FAM168B: variants seen among roughly 807,000 people sequenced by gnomAD.
FAM168B encodes the protein family with sequence similarity 168 member B.
FAM168B carries 19 observed loss-of-function variants against 21.8 expected under a neutral mutation model. The observed-to-expected ratio is 0.87, with a 90% CI of 0.61 to 1.28. The LOEUF is 1.28. Ranked by LOEUF, FAM168B falls within the 50% of genes most tolerant of loss-of-function variation. The pLI, the probability that FAM168B is intolerant of heterozygous loss-of-function variation, is 0.00. For missense variants in FAM168B, 233 were observed against 263.1 expected (o/e 0.89, Z 0.79); for synonymous variants, 126 against 104.8 (o/e 1.20, Z -1.24).
chr2:131,088,461 A>G (rs1693833235), intron 1 of FAM168B, among the ~76,000 whole-genome samples: 1 of 152,164 alleles, frequency 6.6e-6, no homozygotes, highest in Admixed American at 6.6e-5. Context: ...TTCTAAATTA[A>G]AATAGATATA....
chr2:131,056,707 A>G (rs545868617), intron 3 of FAM168B, among the ~76,000 whole-genome samples: 6 of 152,312 alleles, frequency 3.9e-5, no homozygotes, highest in African/African-American at 1.4e-4. Flanking sequence ...GGGTAAACAC[A>G]CTGTGGTGCA....
Position 131,051,109 on chromosome 2 carries a change from T to C in FAM168B, c.*1356A>G, listed in dbSNP as rs1198736852. On this transcript the variant is annotated 3_prime_UTR_variant, in exon 7 of 7. Coordinates refer to ENST00000389915, the MANE Select transcript of FAM168B (RefSeq NM_001009993.4). ...CACTCCAGCACTGCCTGGCCCTCTCTGCTGTCTGTGCTTGCTTTGTGCCAA... is the reference window on the plus strand; with the variant it reads ...CACTCCAGCACTGCCTGGCCCTCTCCGCTGTCTGTGCTTGCTTTGTGCCAA... The C allele has an allele frequency of 1.0e-5, 10 of 985,296 alleles. No individual in the cohort carries two copies. The Admixed American group carries it at 6.1e-4, about 61-fold the overall frequency. The allele number at this position is 985,296 out of a possible 1,614,324, so 61.0% of individuals were successfully genotyped here.
At chr2:131,059,566 T>A (rs1692190416) in intron 3 of FAM168B, among the ~76,000 whole-genome samples, 1 of 152,202 alleles carries the variant, frequency 6.6e-6, no homozygotes, top group Non-Finnish European at 1.5e-5. Flanking sequence ...CAAACTCTTA[T>A]CTGACCAAGA....
intron 3 of FAM168B, among the ~76,000 whole-genome samples, chr2:131,063,804 A>G (rs1354107849): frequency 1.3e-5 from 2 of 152,208 alleles, no homozygotes; most frequent in African/African-American, 4.8e-5. Context: ...ATAATTTTAA[A>G]AATTTAAAAC....
intron 3 of FAM168B, among the ~76,000 whole-genome samples, chr2:131,070,528 C>T (rs1460532149): frequency 1.3e-5 from 2 of 152,150 alleles, no homozygotes; most frequent in African/African-American, 4.8e-5. Flanking sequence ...CCATAATAAC[C>T]AGCCACTCAA....
intron 1 of FAM168B, among the ~76,000 whole-genome samples, chr2:131,090,319 CAAA>C (rs1179969129): frequency 4.0e-5 from 3 of 75,210 alleles, no homozygotes; most frequent in African/African-American, 4.1e-5. Flanking sequence ...ACTCTTGTCT[CAAA>C]AAAAAAAAAA....
chr2:131,073,237 C>T (rs796952638), intron 2 of FAM168B, among the ~76,000 whole-genome samples: 28 of 152,124 alleles, frequency 1.8e-4, no homozygotes, highest in African/African-American at 6.5e-4. Flanking sequence ...GGACTACAGG[C>T]GTGCACCACC....
intron 1 of FAM168B, among the ~76,000 whole-genome samples, chr2:131,084,029 C>T (rs1293082839): frequency 6.6e-6 from 1 of 151,414 alleles, no homozygotes; most frequent in Non-Finnish European, 1.5e-5. Flanking sequence ...CAGCCTCCCG[C>T]ATAGCAGGGA....
intron 2 of FAM168B, among the ~76,000 whole-genome samples, chr2:131,081,077 C>A (rs1693411670): frequency 1.3e-5 from 2 of 152,160 alleles, no homozygotes; most frequent in Admixed American, 6.6e-5. Flanking sequence ...CATTCTGGTT[C>A]TCTCTTAACC....
intron 1 of FAM168B, among the ~76,000 whole-genome samples, chr2:131,083,787 A>C (rs962402950): frequency 2.0e-5 from 3 of 152,232 alleles, no homozygotes; most frequent in Non-Finnish European, 4.4e-5. Context: ...CACAAACAGA[A>C]AAAAAGTCTG....
At position 131,053,020 on chromosome 2, in the gene FAM168B, A is replaced by G. The variant is rs1371356379; in HGVS notation, c.476-5T>C. 1 of 1,547,462 alleles carries G rather than the reference A, an allele frequency of 6.5e-7. No homozygotes were observed. Among genetic ancestry groups the G allele is most frequent in the East Asian group, 2.5e-5 (1 of 40,736 alleles). On this transcript the variant is annotated splice_region_variant and splice_polypyrimidine_tract_variant and intron_variant, in intron 5 of 6. Coordinates refer to ENST00000389915, the MANE Select transcript of FAM168B (RefSeq NM_001009993.4). Reference sequence around the variant, plus strand: ...AGTGAGCAGTCAGCAGGGTACCTGGAAGAAAGAGCAGCACATGACATGAGG... The same window carrying G: ...AGTGAGCAGTCAGCAGGGTACCTGGGAGAAAGAGCAGCACATGACATGAGG...
rs899817126 is a variant in FAM168B at position 131,049,136 on chromosome 2, C to T, written c.*3329G>A. 6.9e-5 allele frequency: 68 copies of T among 985,464 alleles called. No homozygotes were observed. Among genetic ancestry groups the T allele is most frequent in the Middle Eastern group, 5.2e-4 (1 of 1,914 alleles). 61.0% of individuals were successfully genotyped at this position (985,464 alleles called of 1,614,324 possible). On this transcript the variant is annotated 3_prime_UTR_variant, in exon 7 of 7. Coordinates refer to ENST00000389915, the MANE Select transcript of FAM168B (RefSeq NM_001009993.4). ...GGGCCAACACTGACAGGTATTAGTA[C>T]GTCGCAAGTTGCTGTAATAATGTAT...
chr2:131,065,668 A>G (rs1692514673), intron 3 of FAM168B, among the ~76,000 whole-genome samples: 1 of 151,994 alleles, frequency 6.6e-6, no homozygotes. Flanking sequence ...GAGCGCCTGT[A>G]ATTCCAGCTT....
chr2:131,063,784 A>G (rs1329769416), intron 3 of FAM168B, among the ~76,000 whole-genome samples: 1 of 152,150 alleles, frequency 6.6e-6, no homozygotes, highest in Non-Finnish European at 1.5e-5. Flanking sequence ...GTCTCTAAAA[A>G]CTAATAATAA....
chr2:131,088,208 T>C (rs1390274758), intron 1 of FAM168B, among the ~76,000 whole-genome samples: 1 of 151,894 alleles, frequency 6.6e-6, no homozygotes, highest in Non-Finnish European at 1.5e-5. Context: ...ATCGCACCAC[T>C]GCACTCCAGA....
chr2:131,049,362 A>G lies in FAM168B; in HGVS notation c.*3103T>C. Reference sequence around the variant, plus strand: ...TGTGAACACATTTGCATAGCACTCAAGAAGGTTTCCCAGAATAGCGACAGG... The same window carrying G: ...TGTGAACACATTTGCATAGCACTCAGGAAGGTTTCCCAGAATAGCGACAGG... On this transcript the variant is annotated 3_prime_UTR_variant, in exon 7 of 7. Transcript: ENST00000389915. 1 of 985,482 alleles carries G rather than the reference A, an allele frequency of 1.0e-6. No individual in the cohort carries two copies. Among genetic ancestry groups the G allele is most frequent in the Non-Finnish European group, 1.2e-6 (1 of 829,996 alleles). The allele number at this position is 985,482 out of a possible 1,614,324, so 61.0% of individuals were successfully genotyped here. A position where few individuals can be genotyped will look rare whatever the true frequency, so the allele number is the denominator to read the frequency against.
At chr2:131,082,744 G>A (rs1693483940) in intron 1 of FAM168B, 87 bp from the exon 2 acceptor site, 1 of 775,286 alleles carries the variant, frequency 1.3e-6, no homozygotes, top group African/African-American at 1.8e-5. Context: ...GGTAGCTAGA[G>A]TCCTTTCTCT....
At chr2:131,068,551 C>A (rs1692691852) in intron 3 of FAM168B, among the ~76,000 whole-genome samples, 1 of 152,184 alleles carries the variant, frequency 6.6e-6, no homozygotes, top group South Asian at 2.1e-4. Context: ...CACCTAACAA[C>A]TGCCTGGCAC....
chr2:131,058,946 A>G (rs1382370607), intron 3 of FAM168B, among the ~76,000 whole-genome samples: 1 of 152,206 alleles, frequency 6.6e-6, no homozygotes, highest in Non-Finnish European at 1.5e-5. Flanking sequence ...AGAATTATAA[A>G]GGAAAAGGTA....
Sources: gnomAD v4.1 joint callset for allele counts (sites outside exome capture counted in the v4.1 genomes callset) on GRCh38, gnomAD v4.1.1 for gene constraint, MANE v1.5 for transcripts, NCBI Gene and HGNC (gene_info 2026-07-23, HGNC 2026-07-21) for gene names.